SYT2: variants seen among roughly 807,000 people sequenced by gnomAD.
SYT2 encodes synaptotagmin-2.
In SYT2, 15 loss-of-function variants were observed where a neutral mutation model predicts 39.9. That is an observed-to-expected ratio of 0.38 (90% confidence interval 0.25 to 0.58). The LOEUF (loss-of-function observed/expected upper bound fraction) is 0.58. Ranked by LOEUF, SYT2 falls within the 20% of genes least tolerant of loss-of-function variation. SYT2 has a pLI of 0.70. For synonymous variants in SYT2, 181 were observed against 204.5 expected (o/e 0.89, Z 0.98); for missense variants, 389 against 530.3 (o/e 0.73, Z 2.62).
intron 1 of SYT2, among the ~76,000 whole-genome samples, chr1:202,685,600 A>G (rs1653643161): frequency 6.6e-6 from 1 of 152,078 alleles, no homozygotes; most frequent in Admixed American, 6.5e-5. Context: ...ACATGAAGGG[A>G]TGCTTGGGCG....
chr1:202,664,721 G>A (rs1018613562), intron 1 of SYT2, among the ~76,000 whole-genome samples: 6 of 152,144 alleles, frequency 3.9e-5, no homozygotes, highest in Non-Finnish European at 7.3e-5. Flanking sequence ...GTGCAATGGC[G>A]CGATCTTGGC....
chr1:202,597,109 T>A, intron 8 of SYT2, 146 bp from the exon 9 acceptor site: 1 of 681,174 alleles, frequency 1.5e-6, no homozygotes, highest in Non-Finnish European at 2.5e-6. Context: ...CAGTGAAGAC[T>A]GAATTGACAT....
chr1:202,672,731 C>A, intron 1 of SYT2, among the ~76,000 whole-genome samples: 1 of 7,644 alleles, frequency 1.3e-4, no homozygotes, highest in Non-Finnish European at 2.2e-4. Flanking sequence ...GAGAAGAAAA[C>A]AGACATTTCA....
chr1:202,666,152 CAAAA>C (rs56942389), intron 1 of SYT2, among the ~76,000 whole-genome samples: 113 of 102,922 alleles, frequency 1.1e-3, no homozygotes, highest in African/African-American at 3.4e-3. Context: ...GACTCCGTCT[CAAAA>C]AAAAAAAAAA....
intron 1 of SYT2, among the ~76,000 whole-genome samples, chr1:202,683,804 T>C (rs926378447): frequency 3.3e-5 from 5 of 151,800 alleles, no homozygotes; most frequent in African/African-American, 1.2e-4. Context: ...AAACCTTTTC[T>C]ATAGTGCTAG....
chr1:202,600,621 G>T, intron 6 of SYT2, 147 bp from the exon 7 acceptor site: 1 of 682,846 alleles, frequency 1.5e-6, no homozygotes, highest in Non-Finnish European at 2.5e-6. Flanking sequence ...TGGCCGAGAA[G>T]GTCTTCCAGC....
In SYT2 at chr1:202,623,583, A is replaced by AT. The variant is rs1257169645; in HGVS notation, c.-17-17795dup. On this transcript the variant is annotated intron_variant, in intron 1 of 8. Coordinates refer to ENST00000367268, the MANE Select transcript of SYT2 (RefSeq NM_177402.5). This position sits in a 1 kb window ranked among gnomAD's most constrained non-coding sequence, Gnocchi z 4.2. The stretch of plus-strand genomic sequence containing the variant: ...AAGGGTGGGCGACCCGGAATGAGTG[A>AT]TTGAGTGGGGACAGATGGAGGCTTG... Among the ~76,000 whole-genome samples, 1 of 152,190 alleles carries AT rather than the reference A, an allele frequency of 6.6e-6. No homozygotes were observed. Among genetic ancestry groups the AT allele is most frequent in the Non-Finnish European group, 1.5e-5 (1 of 68,024 alleles).
chr1:202,671,725 C>T (rs2149109404), intron 1 of SYT2, among the ~76,000 whole-genome samples: 1 of 152,336 alleles, frequency 6.6e-6, no homozygotes, highest in Admixed American at 6.5e-5. Context: ...AGGGGCTCAT[C>T]CCTTACATGC....
In SYT2 at chr1:202,667,820, C is replaced by G. The variant is rs191105306; in HGVS notation, c.-18+42438G>C. ...CTCTGCCTCCCGGGTTCAAGCGATT[C>G]TCCTGCCTCAGCCTCCTGAGTAGCT... On this transcript the variant is annotated intron_variant, in intron 1 of 8. Transcript: ENST00000367268. Among the ~76,000 whole-genome samples the G allele has an allele frequency of 1.1e-3, 162 of 152,178 alleles. 1 individual carries two copies. The South Asian group carries it at 0.019, about 18-fold the overall frequency.
intron 1 of SYT2, among the ~76,000 whole-genome samples, chr1:202,669,744 T>G (rs1572669305): frequency 6.9e-6 from 1 of 145,412 alleles, no homozygotes; most frequent in African/African-American, 2.6e-5. Context: ...GATGACAGAG[T>G]GAGACCCTGT....
At chr1:202,611,496 T>C (rs554945045) in intron 1 of SYT2, among the ~76,000 whole-genome samples, 1 of 151,768 alleles carries the variant, frequency 6.6e-6, no homozygotes, top group Non-Finnish European at 1.5e-5. Flanking sequence ...GGGATTGTTA[T>C]AGGCGCTCAC....
chr1:202,641,573 A>G (rs1691917567), intron 1 of SYT2, among the ~76,000 whole-genome samples: 1 of 152,214 alleles, frequency 6.6e-6, no homozygotes, highest in South Asian at 2.1e-4. Flanking sequence ...TCTCATCTCA[A>G]CCGAAGACAG....
chr1:202,695,944 GTTC>G (rs1388027067), intron 1 of SYT2, among the ~76,000 whole-genome samples: 1 of 152,238 alleles, frequency 6.6e-6, no homozygotes, highest in Non-Finnish European at 1.5e-5. Context: ...CTCTGGGCTT[GTTC>G]TTCTCCTCCC....
intron 1 of SYT2, among the ~76,000 whole-genome samples, chr1:202,653,698 AG>A (rs1407669447): frequency 6.6e-6 from 1 of 152,294 alleles, no homozygotes; most frequent in East Asian, 1.9e-4. Flanking sequence ...CCCACGATGG[AG>A]GCAAGGTACC....
At chr1:202,698,117 C>G (rs201617538) in intron 1 of SYT2, among the ~76,000 whole-genome samples, 1 of 151,926 alleles carries the variant, frequency 6.6e-6, no homozygotes, top group African/African-American at 2.4e-5. Flanking sequence ...TCACCACCCC[C>G]CCAAGGAAAG....
In SYT2 at chr1:202,603,258, C is replaced by G. The variant is rs113678855; in HGVS notation, c.346-140G>C. On this transcript the variant is annotated intron_variant, in intron 3 of 8. Coordinates refer to ENST00000367268, the MANE Select transcript of SYT2 (RefSeq NM_177402.5). ...TGTGTGGTGGGAACACAAGAGGGAA[C>G]GTGGCCCTGCCATGGGACCCTCCTT... 2,232 of 1,215,650 alleles carry G rather than the reference C, an allele frequency of 1.8e-3. 24 individuals are homozygous for G. Among genetic ancestry groups the G allele is most frequent in the African/African-American group, 0.017 (1,145 of 65,874 alleles). The allele number at this position is 1,215,650 out of a possible 1,614,324, so 75.3% of individuals were successfully genotyped here.
At chr1:202,667,902 A>G (rs1292204852) in intron 1 of SYT2, among the ~76,000 whole-genome samples, 1 of 151,882 alleles carries the variant, frequency 6.6e-6, no homozygotes, top group East Asian at 1.9e-4. Context: ...TAGTAGAGAC[A>G]AGGTTTCGCC....
intron 1 of SYT2, among the ~76,000 whole-genome samples, chr1:202,615,022 G>C (rs1264381852): frequency 1.3e-5 from 2 of 152,146 alleles, no homozygotes; most frequent in Non-Finnish European, 2.9e-5. Flanking sequence ...AAAAGACTAG[G>C]GTGGAGCATA....
At chr1:202,604,818 C>CTTTTTTTTTTTTTTTTTT in intron 2 of SYT2, among the ~76,000 whole-genome samples, 197 bp from the exon 3 acceptor site, 1 of 71,668 alleles carries the variant, frequency 1.4e-5, no homozygotes, top group Non-Finnish European at 2.5e-5. Context: ...TCATGCCTTG[C>CTTTTTTTTTTTTTTTTTT]TTTTTTTTTT....
Sources: allele counts gnomAD v4.1 joint callset (sites outside exome capture counted in the v4.1 genomes callset), GRCh38; gene constraint gnomAD v4.1.1; non-coding constraint Gnocchi (gnomAD v3.1); transcripts MANE v1.5; gene names NCBI Gene and HGNC (gene_info 2026-07-23, HGNC 2026-07-21).